The following STX7 variants were observed in gnomAD, a reference collection of about 807,000 sequenced individuals.
STX7 encodes syntaxin-7.
In STX7, 34 loss-of-function variants were observed where a neutral mutation model predicts 39.6. The observed-to-expected ratio is 0.86, with a 90% CI of 0.65 to 1.14. The LOEUF (loss-of-function observed/expected upper bound fraction) is 1.14. Ranked by LOEUF, STX7 falls within the 50% of genes most tolerant of loss-of-function variation. STX7 has a pLI of 0.00. For missense variants in STX7, 284 were observed against 310.4 expected, an observed-to-expected ratio of 0.92 and a Z score of 0.64; for synonymous variants, 119 against 99.1, an observed-to-expected ratio of 1.20 and a Z score of -1.19.
At chr6:132,493,273 C>T (rs891744639) in intron 2 of STX7, among the ~76,000 whole-genome samples, 1 of 152,094 alleles carries the variant, frequency 6.6e-6, no homozygotes, top group African/African-American at 2.4e-5. Context: ...CTAATAGGCA[C>T]ACCAATTAAC....
At chr6:132,497,690 G>A (rs1050517194) in intron 2 of STX7, among the ~76,000 whole-genome samples, 7 of 152,156 alleles carry the variant, frequency 4.6e-5, no homozygotes. Flanking sequence ...GGGCAAGGAT[G>A]AATGGCCCTT....
rs1468921970 is a variant in STX7 at position 132,454,612 on chromosome 6, A to C, written c.*6146T>G. 1 of 152,204 alleles carries C rather than the reference A, an allele frequency of 6.6e-6. No homozygotes were observed. The highest frequency in any genetic ancestry group is 2.4e-5 in the African/African-American group (1 of 41,452). The allele number at this position is 152,204 out of a possible 1,614,324, so 9.4% of individuals were successfully genotyped here. On this transcript the variant is annotated 3_prime_UTR_variant, in exon 10 of 10. Transcript: ENST00000367941. ...TGTCCATACCATTCCAAAGGAAAGT[A>C]TTGGTCACATACTCCATTCTAGATT...
chr6:132,499,213 C>G (rs1008829794), intron 2 of STX7, among the ~76,000 whole-genome samples: 1 of 152,210 alleles, frequency 6.6e-6, no homozygotes, highest in Non-Finnish European at 1.5e-5. Context: ...AAATGGAACC[C>G]TTTCTTTGAT....
At position 132,458,870 on chromosome 6, in the gene STX7, A is replaced by C. The variant is rs1181995925; in HGVS notation, c.*1888T>G. ...ATAATTTAAAATGATTACACTTCAAATAAAGGTACTAAAATCACGCCCCCC... is the reference window on the plus strand; with the variant it reads ...ATAATTTAAAATGATTACACTTCAACTAAAGGTACTAAAATCACGCCCCCC... On this transcript the variant is annotated 3_prime_UTR_variant, in exon 10 of 10. Transcript: ENST00000367941. The C allele has an allele frequency of 6.6e-6, 1 of 152,166 alleles. No homozygotes were observed. The highest frequency in any genetic ancestry group is 1.9e-4 in the East Asian group (1 of 5,204). 9.4% of individuals were successfully genotyped at this position (152,166 alleles called of 1,614,324 possible).
At chr6:132,509,438 G>A (rs1319323829) in intron 1 of STX7, among the ~76,000 whole-genome samples, 3 of 141,416 alleles carry the variant, frequency 2.1e-5, no homozygotes, top group South Asian at 2.2e-4. Flanking sequence ...GCGACAGAGC[G>A]AGACTCGTCT....
At chr6:132,479,572 C>G (rs886238994) in intron 2 of STX7, among the ~76,000 whole-genome samples, 2 of 152,170 alleles carry the variant, frequency 1.3e-5, no homozygotes, top group Non-Finnish European at 2.9e-5. Context: ...CTACGTATGT[C>G]AGTCAGCCTA....
At chr6:132,470,307 T>C (rs1198597714) in intron 6 of STX7, among the ~76,000 whole-genome samples, 7 of 152,196 alleles carry the variant, frequency 4.6e-5, no homozygotes, top group African/African-American at 1.4e-4. Context: ...TGGGTATTTC[T>C]TCTCAGCTGA....
At chr6:132,512,268 A>C (rs1372436600) in intron 1 of STX7, among the ~76,000 whole-genome samples, 3 of 150,200 alleles carry the variant, frequency 2.0e-5, no homozygotes, top group Non-Finnish European at 4.5e-5. Flanking sequence ...GTATACAGAT[A>C]AGAGCCAAAC....
At chr6:132,465,220 C>G (rs1774532877) in intron 8 of STX7, among the ~76,000 whole-genome samples, 1 of 152,158 alleles carries the variant, frequency 6.6e-6, no homozygotes, top group Non-Finnish European at 1.5e-5. Context: ...CATCCCAAAC[C>G]CTGACATTCC....
At chr6:132,494,869 G>A (rs1324779217) in intron 2 of STX7, among the ~76,000 whole-genome samples, 5 of 152,120 alleles carry the variant, frequency 3.3e-5, no homozygotes, top group Non-Finnish European at 7.4e-5. Flanking sequence ...TGGAGAAGAC[G>A]GAAAGAGGCA....
intron 2 of STX7, among the ~76,000 whole-genome samples, chr6:132,483,760 C>T (rs1775065699): frequency 6.6e-6 from 1 of 152,056 alleles, no homozygotes; most frequent in Non-Finnish European, 1.5e-5. Context: ...TCTGCGACAC[C>T]CCAATTGACC....
chr6:132,474,270 A>G (rs1265265579), intron 3 of STX7, among the ~76,000 whole-genome samples: 1 of 149,232 alleles, frequency 6.7e-6, no homozygotes, highest in East Asian at 2.0e-4. Context: ...GACTACGGAT[A>G]TATATTCAGA....
In STX7 at chr6:132,460,725, C is replaced by T. The variant is rs1019939888; in HGVS notation, c.*33G>A. ...CAGGAATCTTCCTACATAATTTAGACAATGTAGTGCGACAGTGTGCTCCTT... is the reference window on the plus strand; with the variant it reads ...CAGGAATCTTCCTACATAATTTAGATAATGTAGTGCGACAGTGTGCTCCTT... On this transcript the variant is annotated 3_prime_UTR_variant, in exon 10 of 10. Coordinates refer to ENST00000367941, the MANE Select transcript of STX7 (RefSeq NM_003569.3). 2 of 1,434,566 alleles carry T rather than the reference C, an allele frequency of 1.4e-6. No individual in the cohort carries two copies. Among genetic ancestry groups the T allele is most frequent in the Admixed American group, 3.6e-5 (2 of 54,812 alleles). The allele number at this position is 1,434,566 out of a possible 1,614,324, so 88.9% of individuals were successfully genotyped here. A position where few individuals can be genotyped will look rare whatever the true frequency, so the allele number is the denominator to read the frequency against.
chr6:132,507,898 G>A (rs957153296), intron 1 of STX7, among the ~76,000 whole-genome samples: 4 of 152,246 alleles, frequency 2.6e-5, no homozygotes, highest in East Asian at 3.9e-4. Context: ...TGAATGAGTC[G>A]CACATCCATG....
chr6:132,495,958 C>A (rs929084643), intron 2 of STX7, among the ~76,000 whole-genome samples: 1 of 152,076 alleles, frequency 6.6e-6, no homozygotes, highest in Non-Finnish European at 1.5e-5. Context: ...GAACTAATAC[C>A]TTTAATCTGT....
Position 132,459,480 on chromosome 6 carries a change from G to A in STX7, c.*1278C>T, listed in dbSNP as rs777058529. On this transcript the variant is annotated 3_prime_UTR_variant, in exon 10 of 10. Coordinates refer to ENST00000367941, the MANE Select transcript of STX7 (RefSeq NM_003569.3). Reference sequence around the variant, plus strand: ...TATCAGGTGACCTGTGGTCCCACCAGAGCATAGTCCTCATGAAATAGGCCT... The same window carrying A: ...TATCAGGTGACCTGTGGTCCCACCAAAGCATAGTCCTCATGAAATAGGCCT... 1.3e-5 allele frequency: 2 copies of A among 152,196 alleles called. No individual in the cohort carries two copies. The highest frequency in any genetic ancestry group is 2.9e-5 in the Non-Finnish European group (2 of 68,048). The allele number at this position is 152,196 out of a possible 1,614,324, so 9.4% of individuals were successfully genotyped here.
intron 1 of STX7, among the ~76,000 whole-genome samples, chr6:132,504,408 C>A (rs889161101): frequency 1.3e-5 from 2 of 152,134 alleles, no homozygotes; most frequent in Non-Finnish European, 2.9e-5. Context: ...GGTGAGATGA[C>A]ATTCTCTACC....
intron 2 of STX7, among the ~76,000 whole-genome samples, chr6:132,478,472 T>C (rs2114400474): frequency 6.6e-6 from 1 of 152,150 alleles, no homozygotes; most frequent in Admixed American, 6.5e-5. Flanking sequence ...AGGGCTCTTA[T>C]GGAAGGAAGA....
At chr6:132,461,034 T>C (rs1774382233) in intron 9 of STX7, among the ~76,000 whole-genome samples, 184 bp from the exon 10 acceptor site, 1 of 152,220 alleles carries the variant, frequency 6.6e-6, no homozygotes, top group South Asian at 2.1e-4. Context: ...ATGGCACTAT[T>C]CTTTCAAAAA....
Sources: allele counts gnomAD v4.1 joint callset (sites outside exome capture counted in the v4.1 genomes callset), GRCh38; gene constraint gnomAD v4.1.1; transcripts MANE v1.5; gene names NCBI Gene and HGNC (gene_info 2026-07-23, HGNC 2026-07-21).